PDE8B: variants seen among roughly 807,000 people sequenced by gnomAD.
The protein encoded by PDE8B is high affinity cAMP-specific and IBMX-insensitive 3',5'-cyclic phosphodiesterase 8B.
In PDE8B, 26 loss-of-function variants were observed where a neutral mutation model predicts 101.3. The observed-to-expected ratio is 0.26, with a 90% CI of 0.19 to 0.36. The LOEUF is 0.36. Among genes scored for constraint, PDE8B ranks in the 10% least tolerant of loss-of-function variants. PDE8B has a pLI of 1.00. For missense variants in PDE8B, 810 were observed against 1,163.1 expected, an observed-to-expected ratio of 0.70 and a Z score of 4.42; for synonymous variants, 424 against 429.3, an observed-to-expected ratio of 0.99 and a Z score of 0.15.
chr5:77,184,409 A>G, the PDE8B span, among the ~76,000 whole-genome samples: 1 of 152,212 alleles, frequency 6.6e-6, no homozygotes, highest in Admixed American at 6.5e-5. Flanking sequence ...AGTATTGTCT[A>G]TAAACTATGG....
chr5:77,303,196 G>A (rs979377098), intron 1 of PDE8B, among the ~76,000 whole-genome samples: 1 of 152,094 alleles, frequency 6.6e-6, no homozygotes, highest in Admixed American at 6.5e-5. Flanking sequence ...CAAGAAGATA[G>A]AAAGTTTAAT....
the PDE8B span, among the ~76,000 whole-genome samples, chr5:77,202,031 A>G: frequency 1.3e-5 from 2 of 151,984 alleles, no homozygotes; most frequent in Non-Finnish European, 2.9e-5. Flanking sequence ...TCTTATAGGG[A>G]CACCAGTCTT....
intron 20 of PDE8B, among the ~76,000 whole-genome samples, chr5:77,424,224 G>A (rs1048398706): frequency 2.0e-5 from 3 of 149,202 alleles, no homozygotes; most frequent in Non-Finnish European, 4.4e-5. Context: ...CGGACCCACA[G>A]AGAGAGGACC....
At chr5:77,268,670 T>A (rs1762203887) in intron 1 of PDE8B, among the ~76,000 whole-genome samples, 1 of 151,978 alleles carries the variant, frequency 6.6e-6, no homozygotes, top group Admixed American at 6.6e-5. Flanking sequence ...GTTCCATCCA[T>A]GTTGTTGCAA....
chr5:77,400,491 C>T lies in PDE8B; in HGVS notation c.1210+201C>T, dbSNP rs116374747. Among the ~76,000 whole-genome samples, 501 of 152,322 alleles carry T rather than the reference C, an allele frequency of 3.3e-3. 6 individuals are homozygous for T. Among genetic ancestry groups the T allele is most frequent in the African/African-American group, 0.012 (480 of 41,570 alleles). On this transcript the variant is annotated intron_variant, in intron 11 of 21. Transcript: ENST00000264917. ...AATGTCCTTGAATCTTCCTTTATGG[C>T]AACCTTATCATACTGAACGCCCTCC...
chr5:77,380,608 C>CA, intron 10 of PDE8B, among the ~76,000 whole-genome samples: 1 of 152,328 alleles, frequency 6.6e-6, no homozygotes. Context: ...AGCTATGAGG[C>CA]AAACAGCCTG....
the PDE8B span, among the ~76,000 whole-genome samples, chr5:77,123,983 G>A: frequency 3.3e-5 from 5 of 152,196 alleles, no homozygotes; most frequent in Admixed American, 6.5e-5. Flanking sequence ...ACAGTTTGAA[G>A]TGGGGCTAAA....
At position 77,219,793 on chromosome 5, in the gene PDE8B, C is replaced by A. The variant is rs138683160; in HGVS notation, c.339+8529C>A. Among the ~76,000 whole-genome samples the A allele has an allele frequency of 9.9e-5, 15 of 152,232 alleles. No homozygotes were observed. In the East Asian group the frequency reaches 1.9e-3, roughly 20 times the overall value. On this transcript the variant is annotated intron_variant, in intron 1 of 21. Transcript: ENST00000264917. Reference sequence around the variant, plus strand: ...GCCACCAATAGTGTTTGGAGCTGAGCCTTAGTTGGAACTAGAAGTCTCTTT... The same window carrying A: ...GCCACCAATAGTGTTTGGAGCTGAGACTTAGTTGGAACTAGAAGTCTCTTT...
At chr5:77,261,630 C>T (rs1335645372) in intron 1 of PDE8B, among the ~76,000 whole-genome samples, 2 of 152,224 alleles carry the variant, frequency 1.3e-5, no homozygotes, top group African/African-American at 2.4e-5. Flanking sequence ...ACACCTTGTG[C>T]CTCATGGCAG....
Position 77,300,893 on chromosome 5 carries a change from A to G in PDE8B, c.340-11101A>G, listed in dbSNP as rs538322079. 9.8e-5 allele frequency among the ~76,000 whole-genome samples: 15 copies of G among 152,322 alleles called. No homozygotes were observed. The South Asian group carries it at 2.7e-3, about 27-fold the overall frequency. ...ATGATTGTTCTTGCCACATAAGTGA[A>G]ATTCCTTTTCAAAAAAGTGGGCATT... is the stretch of plus-strand genomic sequence containing the variant. On this transcript the variant is annotated intron_variant, in intron 1 of 21. Transcript: ENST00000264917.
intron 9 of PDE8B, among the ~76,000 whole-genome samples, chr5:77,353,049 C>T (rs1781453601): frequency 6.6e-6 from 1 of 152,156 alleles, no homozygotes; most frequent in Non-Finnish European, 1.5e-5. Context: ...AGCATTTTAT[C>T]CTATCAACTG....
At chr5:77,365,232 T>C (rs755431934) in intron 10 of PDE8B, among the ~76,000 whole-genome samples, 26 of 152,040 alleles carry the variant, frequency 1.7e-4, no homozygotes, top group Non-Finnish European at 2.8e-4. Context: ...GAGGCTCTGA[T>C]AGATTGGGTC....
intron 1 of PDE8B, among the ~76,000 whole-genome samples, chr5:77,290,011 G>C (rs1305673212): frequency 1.3e-5 from 2 of 152,188 alleles, no homozygotes; most frequent in Non-Finnish European, 2.9e-5. Context: ...CCAAAAGAAT[G>C]AATGAGAGAT....
At chr5:77,306,824 G>A (rs1342366602) in intron 1 of PDE8B, among the ~76,000 whole-genome samples, 2 of 152,184 alleles carry the variant, frequency 1.3e-5, no homozygotes, top group East Asian at 3.8e-4. Flanking sequence ...GCACCAGCTG[G>A]GTTGTATCGT....
At chr5:77,108,938 G>T in the PDE8B span, among the ~76,000 whole-genome samples, 1 of 152,156 alleles carries the variant, frequency 6.6e-6, no homozygotes, top group African/African-American at 2.4e-5. Flanking sequence ...TTGGTATGTT[G>T]CTTCTGCCAT....
intron 1 of PDE8B, among the ~76,000 whole-genome samples, chr5:77,276,590 A>G (rs1006930277): frequency 6.6e-6 from 1 of 152,206 alleles, no homozygotes; most frequent in African/African-American, 2.4e-5. Flanking sequence ...GCCTTCATTT[A>G]TCTGTTCAGC....
chr5:77,335,884 CT>C (rs552475291), intron 5 of PDE8B, among the ~76,000 whole-genome samples: 5 of 151,852 alleles, frequency 3.3e-5, no homozygotes, highest in South Asian at 2.1e-4. Context: ...TTTTTACTTG[CT>C]TTTTTTTCTG....
the PDE8B span, among the ~76,000 whole-genome samples, chr5:77,126,991 A>G: frequency 6.6e-6 from 1 of 152,150 alleles, no homozygotes; most frequent in Non-Finnish European, 1.5e-5. Context: ...GTGTATTGCT[A>G]CAGGTATCCT....
At chr5:77,359,388 G>T (rs922452440) in intron 10 of PDE8B, among the ~76,000 whole-genome samples, 1 of 152,208 alleles carries the variant, frequency 6.6e-6, no homozygotes, top group African/African-American at 2.4e-5. Context: ...GTGAGAGGAG[G>T]CTGCCTAGTT....
Sources: allele counts gnomAD v4.1 joint callset (sites outside exome capture counted in the v4.1 genomes callset), GRCh38; gene constraint gnomAD v4.1.1; transcripts MANE v1.5; gene names NCBI Gene and HGNC (gene_info 2026-07-23, HGNC 2026-07-21).